BCL7A: variants seen among roughly 807,000 people sequenced by gnomAD.
BCL7A encodes BAF chromatin remodeling complex subunit BCL7A.
A neutral mutation model predicts 28.4 loss-of-function variants in BCL7A; 11 were observed. The observed-to-expected ratio is 0.39, with a 90% CI of 0.24 to 0.64. The LOEUF (loss-of-function observed/expected upper bound fraction) is 0.64. BCL7A is among the 30% of genes least tolerant of loss of function. The pLI is 0.50. For synonymous variants in BCL7A, 123 were observed against 103.3 expected, an observed-to-expected ratio of 1.19 and a Z score of -1.15; for missense variants, 222 against 274.8, an observed-to-expected ratio of 0.81 and a Z score of 1.36.
chr12:122,037,783 C>T (rs941255418), intron 3 of BCL7A, among the ~76,000 whole-genome samples: 2 of 152,038 alleles, frequency 1.3e-5, no homozygotes, highest in Non-Finnish European at 2.9e-5. Context: ...CCTGTCTCTA[C>T]TAAAAAATTT....
intron 4 of BCL7A, among the ~76,000 whole-genome samples, chr12:122,050,204 C>G (rs921901760): frequency 1.3e-5 from 2 of 152,140 alleles, no homozygotes; most frequent in Non-Finnish European, 2.9e-5. Context: ...TGGTCTCAAA[C>G]TCCTGACCTC....
chr12:122,023,953 T>C (rs1883545443), intron 1 of BCL7A, among the ~76,000 whole-genome samples: 1 of 152,248 alleles, frequency 6.6e-6, no homozygotes, highest in East Asian at 1.9e-4. Context: ...GGAGGCGTGG[T>C]GGGGCCTCCT....
At position 122,029,666 on chromosome 12, in the gene BCL7A, C is replaced by T. The variant is rs1229566399; in HGVS notation, c.93-1034C>T. ...TGAGCCATCAGTGGCTCCTTGGTGGCCTCGCAGGTCTCCTGATCTGGCAGA... is the reference window on the plus strand; with the variant it reads ...TGAGCCATCAGTGGCTCCTTGGTGGTCTCGCAGGTCTCCTGATCTGGCAGA... On this transcript the variant is annotated intron_variant, in intron 1 of 5. Coordinates refer to ENST00000261822, the MANE Select transcript of BCL7A (RefSeq NM_001024808.3). The surrounding 1 kb of genome is among the most constrained non-coding windows in gnomAD (Gnocchi z 4.3). Among the ~76,000 whole-genome samples, 2 of 152,160 alleles carry T rather than the reference C, an allele frequency of 1.3e-5. No individual in the cohort carries two copies. The highest frequency in any genetic ancestry group is 4.8e-5 in the African/African-American group (2 of 41,418).
Position 122,044,068 on chromosome 12 carries a change from G to A in BCL7A, c.439+15G>A, listed in dbSNP as rs1465229602. ...AGGAGCTGAAGGTATGTGGCCTCTG[G>A]AGGTGGGGCTCTGACGGCCTCCCTG... On this transcript the variant is annotated intron_variant, in intron 4 of 5. Transcript: ENST00000261822. The A allele has an allele frequency of 6.2e-7, 1 of 1,605,250 alleles. No individual in the cohort carries two copies.
intron 3 of BCL7A, among the ~76,000 whole-genome samples, chr12:122,038,028 G>C (rs962337512): frequency 6.7e-6 from 1 of 150,254 alleles, no homozygotes; most frequent in Non-Finnish European, 1.5e-5. Flanking sequence ...GGCTGAGGCA[G>C]GAGAATCGCT....
At chr12:122,039,655 A>G (rs553983222) in intron 3 of BCL7A, among the ~76,000 whole-genome samples, 12 of 150,770 alleles carry the variant, frequency 8.0e-5, no homozygotes, top group Admixed American at 7.3e-4. Flanking sequence ...GGAGTTGGAG[A>G]CCAGCCTGGT....
At chr12:122,030,974 T>A (rs1593024016) in intron 2 of BCL7A, among the ~76,000 whole-genome samples, 193 bp downstream of exon 2, 1 of 151,926 alleles carries the variant, frequency 6.6e-6, no homozygotes, top group East Asian at 1.9e-4. Flanking sequence ...AGCCCCAGAG[T>A]CTGGCCCTCA....
chr12:122,024,423 T>C (rs1883565470), intron 1 of BCL7A, among the ~76,000 whole-genome samples: 1 of 151,582 alleles, frequency 6.6e-6, no homozygotes, highest in Admixed American at 6.6e-5. Flanking sequence ...GTCTGTGTTG[T>C]AAGGTGGACT....
chr12:122,030,348 C>G (rs1054075718), intron 1 of BCL7A, among the ~76,000 whole-genome samples: 2 of 152,232 alleles, frequency 1.3e-5, no homozygotes, highest in African/African-American at 4.8e-5. Flanking sequence ...CTCTGCTGCC[C>G]AGACAGGCGC....
chr12:122,024,604 TATTA>T (rs1461223826), intron 1 of BCL7A, among the ~76,000 whole-genome samples: 1 of 152,140 alleles, frequency 6.6e-6, no homozygotes, highest in African/African-American at 2.4e-5. Flanking sequence ...GTGGGTTGTT[TATTA>T]ATTGTGTGGT....
At position 122,060,391 on chromosome 12, in the gene BCL7A, G is replaced by C. The variant is rs1377726209; in HGVS notation, c.*1228G>C. The C allele has an allele frequency of 8.6e-6, 2 of 233,014 alleles. No individual in the cohort carries two copies. Among genetic ancestry groups the C allele is most frequent in the Non-Finnish European group, 1.7e-5 (2 of 117,808 alleles). The allele number at this position is 233,014 out of a possible 1,614,324, so 14.4% of individuals were successfully genotyped here. ...TCGAAGGCCACAAACAAGGCGTCGA[G>C]GAATTGGAAAGATTTGCACACCCTC... On this transcript the variant is annotated 3_prime_UTR_variant, in exon 6 of 6. Coordinates refer to ENST00000261822, the MANE Select transcript of BCL7A (RefSeq NM_001024808.3).
intron 4 of BCL7A, among the ~76,000 whole-genome samples, chr12:122,047,594 C>T (rs60174782): frequency 1.9e-4 from 28 of 150,272 alleles, no homozygotes; most frequent in African/African-American, 6.1e-4. Flanking sequence ...GTACAATCTC[C>T]GCTCACTGCA....
chr12:122,035,192 C>A, intron 2 of BCL7A, 139 bp from the exon 3 acceptor site: 1 of 704,304 alleles, frequency 1.4e-6, no homozygotes, highest in Non-Finnish European at 2.4e-6. Flanking sequence ...AATGTGGGCC[C>A]AGGAAAACCT....
At chr12:122,054,163 C>T (rs1026721812) in intron 4 of BCL7A, among the ~76,000 whole-genome samples, 2 of 152,212 alleles carry the variant, frequency 1.3e-5, no homozygotes, top group African/African-American at 4.8e-5. Flanking sequence ...CGGCTCACTG[C>T]AACCTCCGCC....
chr12:122,035,312 G>A lies in BCL7A; in HGVS notation c.175-19G>A. 6 of 1,609,506 alleles carry A rather than the reference G, an allele frequency of 3.7e-6. No individual in the cohort carries two copies. The highest frequency in any genetic ancestry group is 4.3e-6 in the Non-Finnish European group (5 of 1,175,946). On this transcript the variant is annotated intron_variant, in intron 2 of 5. Transcript: ENST00000261822. ...CACATGATCTGGTGACTTGGTTTCTGCTCCATTTTCCCCTGCAGAAAAACA... is the reference window on the plus strand; with the variant it reads ...CACATGATCTGGTGACTTGGTTTCTACTCCATTTTCCCCTGCAGAAAAACA...
chr12:122,034,600 G>A (rs1883812719), intron 2 of BCL7A, among the ~76,000 whole-genome samples: 1 of 151,806 alleles, frequency 6.6e-6, no homozygotes, highest in Admixed American at 6.6e-5. Context: ...GCCGGGTGTG[G>A]TGGCAGGCAC....
chr12:122,028,854 C>T (rs1210806060), intron 1 of BCL7A, among the ~76,000 whole-genome samples: 1 of 152,198 alleles, frequency 6.6e-6, no homozygotes, highest in African/African-American at 2.4e-5. Flanking sequence ...GATGGTTGCT[C>T]TAACAACTGA....
intron 5 of BCL7A, among the ~76,000 whole-genome samples, chr12:122,057,957 A>G (rs1951889542): frequency 6.6e-6 from 1 of 152,002 alleles, no homozygotes. Context: ...TGGGAGGCTG[A>G]GGCAGGAGGA....
intron 1 of BCL7A, among the ~76,000 whole-genome samples, chr12:122,023,504 A>G (rs186649481): frequency 1.3e-5 from 2 of 152,300 alleles, no homozygotes; most frequent in African/African-American, 2.4e-5. Flanking sequence ...ACCCAACAAA[A>G]AAGGCAAGAG....
Sources: allele counts gnomAD v4.1 joint callset (sites outside exome capture counted in the v4.1 genomes callset), GRCh38; gene constraint gnomAD v4.1.1; non-coding constraint Gnocchi (gnomAD v3.1); transcripts MANE v1.5; gene names NCBI Gene and HGNC (gene_info 2026-07-23, HGNC 2026-07-21).